ASPH: variants seen among roughly 807,000 people sequenced by gnomAD.
ASPH encodes aspartyl/asparaginyl beta-hydroxylase.
A neutral mutation model predicts 118.4 loss-of-function variants in ASPH; 100 were observed. The ratio of observed to expected loss-of-function variants is 0.84; its 90% CI spans 0.72 to 1.00. ASPH has a LOEUF of 1.00. Ranked by LOEUF, ASPH falls within the 50% of genes least tolerant of loss-of-function variation. The probability of loss-of-function intolerance (pLI) is 0.00; values close to 1 mark genes in which losing one functional copy is unlikely to be tolerated. For synonymous variants in ASPH, 315 were observed against 325.6 expected (o/e 0.97, Z 0.35); for missense variants, 920 against 919.5 (o/e 1.00, Z -0.01).
intron 13 of ASPH, among the ~76,000 whole-genome samples, chr8:61,628,728 C>T (rs1464647044): frequency 6.6e-6 from 1 of 152,158 alleles, no homozygotes; most frequent in African/African-American, 2.4e-5. Context: ...ATCTCTCCTT[C>T]TGTGTGTTGC....
At chr8:61,558,768 A>G (rs1219944325) in intron 18 of ASPH, among the ~76,000 whole-genome samples, 1 of 152,208 alleles carries the variant, frequency 6.6e-6, no homozygotes, top group Non-Finnish European at 1.5e-5. Flanking sequence ...TAATCAACAA[A>G]CCCTCAGAAA....
chr8:61,517,920 G>T, intron 23 of ASPH, 112 bp downstream of exon 23: 2 of 1,205,618 alleles, frequency 1.7e-6, no homozygotes, highest in African/African-American at 3.1e-5. Context: ...AAAAGGGCAT[G>T]TAAAAAGAGG....
intron 12 of ASPH, among the ~76,000 whole-genome samples, chr8:61,634,626 TTTC>T (rs1183158830): frequency 6.6e-6 from 1 of 152,206 alleles, no homozygotes; most frequent in Non-Finnish European, 1.5e-5. Flanking sequence ...CTGGCAATAT[TTTC>T]TTCTTATAAC....
At chr8:61,605,508 A>G (rs1845300066) in intron 14 of ASPH, among the ~76,000 whole-genome samples, 1 of 152,232 alleles carries the variant, frequency 6.6e-6, no homozygotes, top group African/African-American at 2.4e-5. Flanking sequence ...GCAAATAAGA[A>G]TTGGTAAAGC....
intron 15 of ASPH, chr8:61,579,485 T>A (rs982576316): frequency 3.1e-6 from 5 of 1,599,122 alleles, no homozygotes; most frequent in Non-Finnish European, 4.3e-6. Context: ...ATGCAGGTGG[T>A]CTGAGCTCGG....
chr8:61,580,864 G>A (rs1310649148), intron 15 of ASPH, among the ~76,000 whole-genome samples: 1 of 152,148 alleles, frequency 6.6e-6, no homozygotes, highest in African/African-American at 2.4e-5. Context: ...AATCACATCT[G>A]CAAAGATCCT....
chr8:61,636,484 T>G (rs188511884), intron 12 of ASPH, among the ~76,000 whole-genome samples: 1 of 152,180 alleles, frequency 6.6e-6, no homozygotes, highest in African/African-American at 2.4e-5. Context: ...CAAGGTTGGT[T>G]GCTGTGAGAG....
At chr8:61,517,294 T>C (rs1160489195) in intron 24 of ASPH, 2 of 500,974 alleles carry the variant, frequency 4.0e-6, no homozygotes, top group African/African-American at 1.9e-5. Context: ...CTCAACTAGA[T>C]AAGTACTCTG....
At chr8:61,704,228 A>C (rs1374824407) in intron 1 of ASPH, among the ~76,000 whole-genome samples, 2 of 121,318 alleles carry the variant, frequency 1.6e-5, no homozygotes, top group African/African-American at 6.0e-5. Context: ...AAAAAAAAAA[A>C]AAAAACAGAG....
intron 21 of ASPH, among the ~76,000 whole-genome samples, chr8:61,543,952 T>C (rs1234335257): frequency 6.6e-6 from 1 of 152,200 alleles, no homozygotes; most frequent in Non-Finnish European, 1.5e-5. Context: ...AATAGAGCTT[T>C]TCTTGCAAGT....
At chr8:61,568,391 G>GA (rs747728345) in intron 16 of ASPH, among the ~76,000 whole-genome samples, 2 of 152,110 alleles carry the variant, frequency 1.3e-5, no homozygotes, top group African/African-American at 4.8e-5. Context: ...GGGGGAGAGA[G>GA]AAAAACCATG....
intron 14 of ASPH, among the ~76,000 whole-genome samples, chr8:61,605,573 A>G (rs1239467693): frequency 1.3e-5 from 2 of 152,200 alleles, no homozygotes; most frequent in Non-Finnish European, 2.9e-5. Context: ...AATTTTCTAG[A>G]ATTAAATAAG....
intron 14 of ASPH, among the ~76,000 whole-genome samples, chr8:61,599,479 A>C (rs1319022868): frequency 1.3e-5 from 1 of 75,156 alleles, no homozygotes; most frequent in Non-Finnish European, 2.4e-5. Context: ...TAAAAAAGTC[A>C]AAAAAAAAAA....
intron 13 of ASPH, among the ~76,000 whole-genome samples, chr8:61,630,982 A>C (rs887884973): frequency 1.3e-4 from 20 of 152,096 alleles, no homozygotes; most frequent in Non-Finnish European, 8.8e-5. Flanking sequence ...CTGCAGGCCT[A>C]AGCTAATATG....
intron 12 of ASPH, among the ~76,000 whole-genome samples, chr8:61,634,329 A>G (rs1404802787): frequency 1.3e-5 from 2 of 152,146 alleles, no homozygotes; most frequent in Non-Finnish European, 2.9e-5. Flanking sequence ...AAACCTAGCA[A>G]CCCATTTAAC....
At chr8:61,634,565 T>C (rs988296982) in intron 12 of ASPH, among the ~76,000 whole-genome samples, 2 of 152,180 alleles carry the variant, frequency 1.3e-5, no homozygotes, top group Admixed American at 6.6e-5. Flanking sequence ...ATAAAAGTAA[T>C]TGAAAACAGC....
rs74526565 is a variant in ASPH, at chr8:61,548,309, C to T, written c.1627-101G>A. The T allele has an allele frequency of 0.013, 16,860 of 1,339,938 alleles. 264 individuals are homozygous for T. The highest frequency in any genetic ancestry group is 0.071 in the African/African-American group (4,788 of 67,284). 83.0% of individuals were successfully genotyped at this position (1,339,938 alleles called of 1,614,324 possible). A position where few individuals can be genotyped will look rare whatever the true frequency, so the allele number is the denominator to read the frequency against. ...TTAAAAATAAGGTATTACTTTGACA[C>T]ATTTAAATAAAGAGCTTACTGCTAG... On this transcript the variant is annotated intron_variant, in intron 20 of 24. Transcript: ENST00000379454.
At chr8:61,592,498 A>ACT (rs1447808670) in intron 14 of ASPH, among the ~76,000 whole-genome samples, 3 of 152,128 alleles carry the variant, frequency 2.0e-5, no homozygotes, top group Non-Finnish European at 4.4e-5. Context: ...TGCTTCCCAA[A>ACT]CTCTAGTATG....
In ASPH at chr8:61,503,511, T is replaced by C; in HGVS notation, c.2127-2A>G. On this transcript the variant is annotated splice_acceptor_variant, in intron 24 of 24. Coordinates refer to ENST00000379454, the MANE Select transcript of ASPH (RefSeq NM_004318.4). LOFTEE classifies it high-confidence loss of function. ...AGCACCTTGCCTTCCTCCCAGGTCC[T>C]GCAGCAGAAAGACAAGGATTCCTGA... is the stretch of plus-strand genomic sequence containing the variant. 1 of 1,609,806 alleles carries C rather than the reference T, an allele frequency of 6.2e-7. No individual in the cohort carries two copies. The highest frequency in any genetic ancestry group is 8.5e-7 in the Non-Finnish European group (1 of 1,177,696).
Sources: allele counts gnomAD v4.1 joint callset (sites outside exome capture counted in the v4.1 genomes callset), GRCh38; gene constraint gnomAD v4.1.1; transcripts MANE v1.5; gene names NCBI Gene and HGNC (gene_info 2026-07-23, HGNC 2026-07-21).